Variants in LAMA2 observed in about 807,000 individuals in gnomAD.
LAMA2 encodes the protein laminin subunit alpha-2.
In LAMA2, 269 loss-of-function variants were observed where a neutral mutation model predicts 364.8. The observed-to-expected ratio is 0.74, with a 90% CI of 0.67 to 0.82. The LOEUF is 0.82. LAMA2 is among the 40% of genes least tolerant of loss of function. LAMA2 has a pLI of 0.00. For missense variants in LAMA2, 3,807 were observed against 3,873.2 expected (o/e 0.98, Z 0.45); for synonymous variants, 1,379 against 1,370.6 (o/e 1.01, Z -0.14).
chr6:129,273,916 C>T (rs763890908), intron 17 of LAMA2, among the ~76,000 whole-genome samples: 1 of 150,906 alleles, frequency 6.6e-6, no homozygotes, highest in Non-Finnish European at 1.5e-5. Flanking sequence ...TAATAATTAC[C>T]AAATTATCAA....
intron 1 of LAMA2, among the ~76,000 whole-genome samples, chr6:128,932,143 A>G (rs1024030461): frequency 6.6e-6 from 1 of 152,212 alleles, no homozygotes; most frequent in African/African-American, 2.4e-5. Context: ...TCAAGAGAAC[A>G]AGACTGAGTC....
Position 129,294,961 on chromosome 6 carries a change from A to T in LAMA2, c.2857-2724A>T, listed in dbSNP as rs1201080254. 2.0e-5 allele frequency among the ~76,000 whole-genome samples: 3 copies of T among 152,366 alleles called. No individual in the cohort carries two copies. In the East Asian group the frequency reaches 5.8e-4, roughly 29 times the overall value. On this transcript the variant is annotated intron_variant, in intron 20 of 64. Coordinates refer to ENST00000421865, the MANE Select transcript of LAMA2 (RefSeq NM_000426.4). ...ACTGATTAAAATGTCTCCTAAATAT[A>T]AATTTAGCAGAAAGTCAACGTTCAT...
At chr6:128,910,821 G>A (rs1342452389) in intron 1 of LAMA2, among the ~76,000 whole-genome samples, 1 of 149,716 alleles carries the variant, frequency 6.7e-6, no homozygotes, top group Non-Finnish European at 1.5e-5. Context: ...TCTTGGTGTG[G>A]ATGTCCTTTC....
chr6:128,971,310 T>C (rs1488889767), intron 1 of LAMA2, among the ~76,000 whole-genome samples: 2 of 152,192 alleles, frequency 1.3e-5, no homozygotes, highest in Non-Finnish European at 2.9e-5. Context: ...TAGGTATAAA[T>C]CAAGTAGGAT....
At chr6:128,988,370 A>T (rs992064683) in intron 1 of LAMA2, among the ~76,000 whole-genome samples, 10 of 152,170 alleles carry the variant, frequency 6.6e-5, no homozygotes, top group Non-Finnish European at 1.2e-4. Flanking sequence ...TAAAAAAAAA[A>T]TTTGATTTCT....
chr6:129,168,904 G>C (rs1252871711), intron 9 of LAMA2, among the ~76,000 whole-genome samples: 1 of 149,992 alleles, frequency 6.7e-6, no homozygotes, highest in East Asian at 2.0e-4. Context: ...TGGATTCCTA[G>C]GTATTTTATT....
At chr6:128,884,074 T>C (rs1436868644) in intron 1 of LAMA2, among the ~76,000 whole-genome samples, 1 of 152,162 alleles carries the variant, frequency 6.6e-6, no homozygotes, top group African/African-American at 2.4e-5. Flanking sequence ...AGTGACTAGA[T>C]ATACACTTTG....
intron 15 of LAMA2, among the ~76,000 whole-genome samples, chr6:129,263,796 G>A (rs1177747471): frequency 6.6e-6 from 1 of 152,172 alleles, no homozygotes; most frequent in African/African-American, 2.4e-5. Context: ...CTGGAGTGCA[G>A]TGATGCTGTC....
rs150526645 is a variant in LAMA2 at position 129,079,040 on chromosome 6, A to G, written c.397-19133A>G. Among the ~76,000 whole-genome samples, 23 of 152,324 alleles carry G rather than the reference A, an allele frequency of 1.5e-4. No homozygotes were observed. In the East Asian group the frequency reaches 4.0e-3, roughly 27 times the overall value. On this transcript the variant is annotated intron_variant, in intron 3 of 64. Coordinates refer to ENST00000421865, the MANE Select transcript of LAMA2 (RefSeq NM_000426.4). ...TAAGTAGACTCACACACACGTACAT[A>G]TATGGCACATTTTTTGTCCATTAAT...
At chr6:129,013,359 C>A (rs1184662487) in intron 1 of LAMA2, among the ~76,000 whole-genome samples, 1 of 152,100 alleles carries the variant, frequency 6.6e-6, no homozygotes, top group African/African-American at 2.4e-5. Context: ...ATGGCGGGAA[C>A]CCGGGAGGCG....
intron 1 of LAMA2, among the ~76,000 whole-genome samples, chr6:128,897,231 C>CT (rs1370843787): frequency 2.6e-5 from 4 of 152,216 alleles, no homozygotes; most frequent in South Asian, 2.1e-4. Context: ...TTTTATTTCC[C>CT]TTTTTTGTGA....
chr6:129,034,407 A>G (rs1047972460), intron 1 of LAMA2, among the ~76,000 whole-genome samples: 1 of 152,096 alleles, frequency 6.6e-6, no homozygotes, highest in African/African-American at 2.4e-5. Flanking sequence ...GTCCTTCCTG[A>G]TGTAGCCATT....
At chr6:129,209,359 A>T (rs1452859937) in intron 12 of LAMA2, among the ~76,000 whole-genome samples, 1 of 152,186 alleles carries the variant, frequency 6.6e-6, no homozygotes. Context: ...TCTAGCAGAG[A>T]TTTGGAGGGT....
chr6:129,259,998 G>A (rs1160809610), intron 14 of LAMA2, among the ~76,000 whole-genome samples: 4 of 152,120 alleles, frequency 2.6e-5, no homozygotes, highest in Non-Finnish European at 5.9e-5. Flanking sequence ...AAATATGTGT[G>A]TGACAGCATT....
At chr6:128,969,164 G>T (rs1782034542) in intron 1 of LAMA2, among the ~76,000 whole-genome samples, 1 of 152,058 alleles carries the variant, frequency 6.6e-6, no homozygotes, top group East Asian at 1.9e-4. Context: ...CAGTGAGAAG[G>T]GTTAATATAA....
intron 1 of LAMA2, among the ~76,000 whole-genome samples, chr6:129,045,111 C>T (rs7771363): frequency 0.35 from 53,281 of 151,918 alleles, 11,257 homozygotes; most frequent in African/African-American, 0.59. Context: ...TATGCTTAAC[C>T]GATTTTTAAA....
intron 31 of LAMA2, among the ~76,000 whole-genome samples, chr6:129,352,890 T>C (rs762878191): frequency 1.3e-5 from 2 of 149,754 alleles, no homozygotes; most frequent in Non-Finnish European, 2.9e-5. Context: ...TACAAAGTAA[T>C]TTAACATTAT....
chr6:129,259,155 G>C (rs1191969329), intron 14 of LAMA2, among the ~76,000 whole-genome samples: 6 of 152,018 alleles, frequency 3.9e-5, no homozygotes, highest in African/African-American at 1.4e-4. Flanking sequence ...TAGCAAAGTG[G>C]GGGTAAAAGC....
At chr6:129,081,039 T>C (rs1191799527) in intron 3 of LAMA2, among the ~76,000 whole-genome samples, 2 of 152,196 alleles carry the variant, frequency 1.3e-5, no homozygotes, top group Non-Finnish European at 2.9e-5. Flanking sequence ...GTGGCACATA[T>C]ATACCATGGA....
Sources: gnomAD v4.1 joint callset for allele counts (sites outside exome capture counted in the v4.1 genomes callset) on GRCh38, gnomAD v4.1.1 for gene constraint, MANE v1.5 for transcripts, NCBI Gene and HGNC (gene_info 2026-07-23, HGNC 2026-07-21) for gene names.